LYPLAL1: variants seen among roughly 807,000 people sequenced by gnomAD.
The protein encoded by LYPLAL1 is lysophospholipase-like protein 1.
A neutral mutation model predicts 19.7 loss-of-function variants in LYPLAL1; 23 were observed. The ratio of observed to expected loss-of-function variants is 1.17; its 90% CI spans 0.84 to 1.65. The LOEUF (loss-of-function observed/expected upper bound fraction) is 1.65, where lower values mean the gene tolerates loss of function less well. Ranked by LOEUF, LYPLAL1 falls within the 40% of genes most tolerant of loss-of-function variation. LYPLAL1 has a pLI of 0.00. For missense variants in LYPLAL1, 355 were observed against 279.4 expected (o/e 1.27, Z -1.93); for synonymous variants, 119 against 96.3 (o/e 1.24, Z -1.38).
At chr1:219,242,729 A>G in the LYPLAL1 span, among the ~76,000 whole-genome samples, 2 of 150,786 alleles carry the variant, frequency 1.3e-5, no homozygotes, top group East Asian at 3.9e-4. Flanking sequence ...ATTAATATAT[A>G]TAAATATAGT....
At chr1:219,244,633 AC>A in the LYPLAL1 span, among the ~76,000 whole-genome samples, 1 of 152,096 alleles carries the variant, frequency 6.6e-6, no homozygotes, top group African/African-American at 2.4e-5. Context: ...CATGGTAGAA[AC>A]CACAATATAT....
At chr1:219,381,548 C>T in the LYPLAL1 span, among the ~76,000 whole-genome samples, 106 of 152,276 alleles carry the variant, frequency 7.0e-4, 2 homozygotes, top group East Asian at 0.019. Flanking sequence ...ACATTCCTGA[C>T]ACATTCTTTC....
intron 3 of LYPLAL1, among the ~76,000 whole-genome samples, chr1:219,196,031 A>G (rs969823304): frequency 6.6e-6 from 1 of 152,190 alleles, no homozygotes; most frequent in Admixed American, 6.5e-5. Flanking sequence ...ATGGCTGCAT[A>G]GTATTCTATG....
the LYPLAL1 span, among the ~76,000 whole-genome samples, chr1:219,217,891 A>G: frequency 1.3e-5 from 2 of 152,064 alleles, no homozygotes; most frequent in African/African-American, 4.8e-5. Flanking sequence ...ATAAATCAGT[A>G]TCACAATAAA....
At chr1:219,326,079 A>G in the LYPLAL1 span, among the ~76,000 whole-genome samples, 1 of 151,878 alleles carries the variant, frequency 6.6e-6, no homozygotes, top group Non-Finnish European at 1.5e-5. Flanking sequence ...ATGCCCTGCT[A>G]ATTTTTGTAT....
At chr1:219,248,586 C>T in the LYPLAL1 span, among the ~76,000 whole-genome samples, 70,757 of 151,892 alleles carry the variant, frequency 0.47, 16,856 homozygotes, top group East Asian at 0.66. Flanking sequence ...GTTGTCAAGA[C>T]TGTGTCATTA....
chr1:219,365,964 T>C, the LYPLAL1 span, among the ~76,000 whole-genome samples: 10,394 of 152,260 alleles, frequency 0.068, 501 homozygotes, highest in South Asian at 0.14. Context: ...TGATTGACTA[T>C]CTTTTAAATT....
the LYPLAL1 span, among the ~76,000 whole-genome samples, chr1:219,364,950 C>T: frequency 7.2e-5 from 11 of 152,110 alleles, no homozygotes; most frequent in East Asian, 7.7e-4. Context: ...TTTCTTTATT[C>T]GGAAGTATTT....
At chr1:219,391,742 G>A in the LYPLAL1 span, among the ~76,000 whole-genome samples, 1 of 152,010 alleles carries the variant, frequency 6.6e-6, no homozygotes, top group African/African-American at 2.4e-5. Flanking sequence ...GTTGAATTTT[G>A]TTTCTACTCT....
At chr1:219,283,201 A>G in the LYPLAL1 span, among the ~76,000 whole-genome samples, 3 of 152,184 alleles carry the variant, frequency 2.0e-5, no homozygotes, top group African/African-American at 7.2e-5. Context: ...TCCGGCACCC[A>G]GTAGGACTTT....
chr1:219,400,463 T>C, the LYPLAL1 span, among the ~76,000 whole-genome samples: 1 of 152,018 alleles, frequency 6.6e-6, no homozygotes, highest in East Asian at 1.9e-4. Flanking sequence ...ATGGCAAAGC[T>C]GTGTGCCCTA....
At chr1:219,196,254 T>C (rs751471767) in intron 3 of LYPLAL1, among the ~76,000 whole-genome samples, 22 of 152,194 alleles carry the variant, frequency 1.4e-4, no homozygotes, top group Non-Finnish European at 2.9e-4. Flanking sequence ...ATTGCCACAC[T>C]GTCTTCCACA....
chr1:219,342,824 G>C, the LYPLAL1 span, among the ~76,000 whole-genome samples: 1 of 152,076 alleles, frequency 6.6e-6, no homozygotes, highest in Non-Finnish European at 1.5e-5. Flanking sequence ...AGTTTAAGTT[G>C]GTTAGCATTT....
At chr1:219,402,512 A>G in the LYPLAL1 span, among the ~76,000 whole-genome samples, 1 of 152,148 alleles carries the variant, frequency 6.6e-6, no homozygotes, top group Non-Finnish European at 1.5e-5. Flanking sequence ...TTCATAAACA[A>G]TAAAGTCAAT....
At chr1:219,261,223 G>T in the LYPLAL1 span, among the ~76,000 whole-genome samples, 2 of 152,122 alleles carry the variant, frequency 1.3e-5, no homozygotes, top group Admixed American at 6.6e-5. Flanking sequence ...TTATTGAAAT[G>T]ACCTGGATGA....
At chr1:219,381,639 A>G in the LYPLAL1 span, among the ~76,000 whole-genome samples, 1 of 152,214 alleles carries the variant, frequency 6.6e-6, no homozygotes, top group Non-Finnish European at 1.5e-5. Flanking sequence ...AATGACAGGG[A>G]GGGTTGCATG....
At chr1:219,439,992 C>CACATATATATATACATATATATATATAT in the LYPLAL1 span, among the ~76,000 whole-genome samples, 31 of 32,384 alleles carry the variant, frequency 9.6e-4, 1 homozygote, top group African/African-American at 2.6e-3. Flanking sequence ...TATATATATA[C>CACATATATATATACATATATATATATAT]ACACATATAT....
At position 219,190,863 on chromosome 1, in the gene LYPLAL1, C is replaced by G. The variant is rs553877144; in HGVS notation, c.192-2219C>G. Among the ~76,000 whole-genome samples, 107 of 151,560 alleles carry G rather than the reference C, an allele frequency of 7.1e-4. 1 individual carries two copies. In the Admixed American group the frequency reaches 7.1e-3, roughly 10 times the overall value. ...GGCAAAAGAAATCAATGTTGATAGT[C>G]TCACTCAGTAGTTGCTTGGGAAGGT... On this transcript the variant is annotated intron_variant, in intron 2 of 4. Coordinates refer to ENST00000366928, the MANE Select transcript of LYPLAL1 (RefSeq NM_138794.5).
At chr1:219,228,049 G>A in the LYPLAL1 span, among the ~76,000 whole-genome samples, 1 of 152,144 alleles carries the variant, frequency 6.6e-6, no homozygotes, top group Non-Finnish European at 1.5e-5. Flanking sequence ...CTCCCTCTCT[G>A]GTAGAGAGAC....
Sources: gnomAD v4.1 joint callset for allele counts (sites outside exome capture counted in the v4.1 genomes callset) on GRCh38, gnomAD v4.1.1 for gene constraint, MANE v1.5 for transcripts, NCBI Gene and HGNC (gene_info 2026-07-23, HGNC 2026-07-21) for gene names.